Variants in HTR1F observed in about 807,000 individuals in gnomAD.
The protein encoded by HTR1F is 5-hydroxytryptamine (serotonin) receptor 1F, G protein-coupled.
Under a neutral mutation model 24.0 loss-of-function variants are expected in HTR1F, and 17 were observed. The observed-to-expected ratio is 0.71, with a 90% confidence interval of 0.48 to 1.06. HTR1F has a LOEUF of 1.06. Ranked by LOEUF, HTR1F falls within the 50% of genes least tolerant of loss-of-function variation. The pLI, the probability that HTR1F is intolerant of heterozygous loss-of-function variation, is 0.00. For synonymous variants in HTR1F, 186 were observed against 156.8 expected, an observed-to-expected ratio of 1.19 and a Z score of -1.39; for missense variants, 391 against 427.8, an observed-to-expected ratio of 0.91 and a Z score of 0.76.
At chr3:87,793,523 G>A (rs1703852467) in intron 1 of HTR1F, 1 of 152,122 alleles carries the variant, frequency 6.6e-6, no homozygotes, top group Non-Finnish European at 1.5e-5. Flanking sequence ...CTGTTTGGAG[G>A]GGCAATCAAG....
Position 87,979,419 on chromosome 3 carries a change from G to A in HTR1F, c.-42-11289G>A, listed in dbSNP as rs555890429. Among the ~76,000 whole-genome samples, 73 of 152,252 alleles carry A rather than the reference G, an allele frequency of 4.8e-4. No homozygotes were observed. In the South Asian group the frequency reaches 8.1e-3, roughly 17 times the overall value. On this transcript the variant is annotated intron_variant, in intron 2 of 2. Transcript: ENST00000319595. Reference sequence around the variant, plus strand: ...TCTGTGTCCTAAGTCCGGCAGCCACGATAGTCATTTCTAGTTGGCCGACAG... The same window carrying A: ...TCTGTGTCCTAAGTCCGGCAGCCACAATAGTCATTTCTAGTTGGCCGACAG...
At chr3:87,811,896 T>C in intron 1 of HTR1F, among the ~76,000 whole-genome samples, 1 of 152,186 alleles carries the variant, frequency 6.6e-6, no homozygotes, top group East Asian at 1.9e-4. Context: ...TTCCCCCATG[T>C]TGTTCTCATG....
At chr3:87,876,309 G>C (rs930702129) in intron 2 of HTR1F, among the ~76,000 whole-genome samples, 1 of 152,154 alleles carries the variant, frequency 6.6e-6, no homozygotes, top group African/African-American at 2.4e-5. Context: ...CCACACCTAT[G>C]ATCATTGCAG....
intron 2 of HTR1F, among the ~76,000 whole-genome samples, chr3:87,920,403 T>TA (rs1356405346): frequency 1.3e-4 from 20 of 151,696 alleles, no homozygotes; most frequent in South Asian, 1.2e-3. Flanking sequence ...CCTATGGAAA[T>TA]AAAAAAACAA....
At position 87,975,151 on chromosome 3, in the gene HTR1F, C is replaced by T. The variant is rs139898564; in HGVS notation, c.-42-15557C>T. Among the ~76,000 whole-genome samples the T allele has an allele frequency of 2.6e-3, 389 of 152,012 alleles. 2 individuals carry two copies. Among genetic ancestry groups the T allele is most frequent in the African/African-American group, 9.0e-3 (374 of 41,474 alleles). On this transcript the variant is annotated intron_variant, in intron 2 of 2. Coordinates refer to ENST00000319595, the MANE Select transcript of HTR1F (RefSeq NM_001322209.2). ...CTCTTATAGGAGTAACCAAAGTCAA[C>T]GAAGTCTAGAAGTAATCAGAGTAAC... is the stretch of plus-strand genomic sequence containing the variant.
chr3:87,844,982 G>A (rs1446823024), intron 2 of HTR1F, among the ~76,000 whole-genome samples: 1 of 151,870 alleles, frequency 6.6e-6, no homozygotes, highest in Non-Finnish European at 1.5e-5. Context: ...CTCCAGCTTT[G>A]TTCTTTTGGC....
chr3:87,883,478 G>A (rs566892205), intron 2 of HTR1F, among the ~76,000 whole-genome samples: 6 of 152,282 alleles, frequency 3.9e-5, no homozygotes, highest in South Asian at 4.2e-4. Flanking sequence ...AGACTTTAAC[G>A]AGGTGACAGA....
chr3:87,906,028 C>T (rs1286879400), intron 2 of HTR1F, among the ~76,000 whole-genome samples: 1 of 151,994 alleles, frequency 6.6e-6, no homozygotes, highest in Non-Finnish European at 1.5e-5. Context: ...CAAGAATGTT[C>T]ACCTTATAAG....
At chr3:87,883,432 C>T (rs1219823963) in intron 2 of HTR1F, among the ~76,000 whole-genome samples, 1 of 152,158 alleles carries the variant, frequency 6.6e-6, no homozygotes, top group Admixed American at 6.5e-5. Flanking sequence ...AGGATTACAG[C>T]TCCTTGCCAG....
At chr3:87,795,950 T>G (rs1006338275) in intron 1 of HTR1F, among the ~76,000 whole-genome samples, 6 of 152,192 alleles carry the variant, frequency 3.9e-5, no homozygotes, top group Non-Finnish European at 8.8e-5. Flanking sequence ...CTCTCAGAAG[T>G]AATATGTGTC....
chr3:87,832,398 G>A (rs531454409), intron 2 of HTR1F, among the ~76,000 whole-genome samples: 10 of 149,628 alleles, frequency 6.7e-5, no homozygotes, highest in Admixed American at 1.3e-4. Context: ...CGCGATCTCG[G>A]CTCACTGCAA....
chr3:87,794,555 T>C (rs1703872019), intron 1 of HTR1F, among the ~76,000 whole-genome samples: 1 of 152,218 alleles, frequency 6.6e-6, no homozygotes, highest in African/African-American at 2.4e-5. Context: ...TCCAAGGAAG[T>C]TCAGTATATT....
chr3:87,932,942 C>CA (rs1219758737), intron 2 of HTR1F, among the ~76,000 whole-genome samples: 1 of 149,908 alleles, frequency 6.7e-6, no homozygotes, highest in African/African-American at 2.5e-5. Flanking sequence ...AACATTGATG[C>CA]AAAAATCCTC....
At chr3:87,793,239 G>T (rs1180383284) in intron 1 of HTR1F, 1 of 152,254 alleles carries the variant, frequency 6.6e-6, no homozygotes. Flanking sequence ...GGTGGAGAGA[G>T]ACGGGGCACG....
intron 2 of HTR1F, chr3:87,910,155 G>C (rs1703746863): frequency 1.3e-5 from 2 of 151,570 alleles, no homozygotes; most frequent in Admixed American, 1.3e-4. Flanking sequence ...CTCTTTTCTT[G>C]ATAAATTTAA....
intron 2 of HTR1F, among the ~76,000 whole-genome samples, chr3:87,939,852 T>A (rs74685531): frequency 4.6e-5 from 7 of 152,240 alleles, no homozygotes; most frequent in Non-Finnish European, 8.8e-5. Context: ...GTTTTTCATG[T>A]CTCTATCTCC....
intron 2 of HTR1F, among the ~76,000 whole-genome samples, chr3:87,982,568 A>G (rs1480539752): frequency 6.6e-6 from 1 of 152,214 alleles, no homozygotes; most frequent in African/African-American, 2.4e-5. Context: ...AATCCAGACT[A>G]CTTTCCAGAG....
At chr3:87,897,236 T>A (rs1194618464) in intron 2 of HTR1F, among the ~76,000 whole-genome samples, 7 of 146,560 alleles carry the variant, frequency 4.8e-5, no homozygotes, top group East Asian at 2.0e-4. Context: ...TATAAATGTT[T>A]TATATATATA....
At chr3:87,852,306 C>G (rs1257448516) in intron 2 of HTR1F, among the ~76,000 whole-genome samples, 1 of 151,444 alleles carries the variant, frequency 6.6e-6, no homozygotes, top group Non-Finnish European at 1.5e-5. Flanking sequence ...TTCTTTATAT[C>G]TGTTTTATAG....
Sources: gnomAD v4.1 joint callset for allele counts (sites outside exome capture counted in the v4.1 genomes callset) on GRCh38, gnomAD v4.1.1 for gene constraint, MANE v1.5 for transcripts, NCBI Gene and HGNC (gene_info 2026-07-23, HGNC 2026-07-21) for gene names.